Variants in TCN2 observed in about 807,000 individuals in gnomAD.
TCN2 encodes the protein transcobalamin-2.
A neutral mutation model predicts 48.6 loss-of-function variants in TCN2; 34 were observed. The observed-to-expected ratio is 0.70, with a 90% CI of 0.53 to 0.93. TCN2 has a LOEUF of 0.93. TCN2 is among the 40% of genes least tolerant of loss of function. The pLI is 0.00. For missense variants in TCN2, 652 were observed against 526.1 expected (o/e 1.24, Z -2.34); for synonymous variants, 283 against 212.5 (o/e 1.33, Z -2.89).
rs2087720282 is a variant in TCN2 at position 30,622,984 on chromosome 22, T to G, written c.1123T>G (p.Ser375Ala). 1.2e-5 allele frequency: 20 copies of G among 1,613,990 alleles called. No homozygotes were observed. The highest frequency in any genetic ancestry group is 1.7e-5 in the Admixed American group (1 of 59,986). ...CTTCTGTAGATATGAAACACAGGCC[T>G]CCTTGTCAGGCCCCTACTTAACCTC... is the stretch of plus-strand genomic sequence containing the variant. ...LGGFTYETQA[S>A]LSGPYLTSVM... Residue 375 changes from serine (S) to alanine (A), a missense_variant, in exon 8 of 9, where the codon TCC becomes GCC. Transcript: ENST00000215838.
chr22:30,608,518 G>C (rs1275353582), intron 1 of TCN2, among the ~76,000 whole-genome samples: 1 of 151,270 alleles, frequency 6.6e-6, no homozygotes. Context: ...CTCCCAAGTA[G>C]CTGGAGACTG....
chr22:30,626,902 T>G lies in TCN2; in HGVS notation c.*381T>G, dbSNP rs149713328. 230 of 353,858 alleles carry G rather than the reference T, an allele frequency of 6.5e-4. 1 individual carries two copies. The highest frequency in any genetic ancestry group is 3.9e-3 in the African/African-American group (187 of 47,792). The allele number at this position is 353,858 out of a possible 1,614,324, so 21.9% of individuals were successfully genotyped here. ...GTGGTTGGGGTCCTGCAAGAAGGCC[T>G]CCTCAGCCCGGGGGCTATGGCCCTG... On this transcript the variant is annotated 3_prime_UTR_variant, in exon 9 of 9. Transcript: ENST00000215838.
At chr22:30,608,186 A>C (rs1343658272) in intron 1 of TCN2, among the ~76,000 whole-genome samples, 5 of 152,116 alleles carry the variant, frequency 3.3e-5, no homozygotes, top group South Asian at 4.1e-4. Flanking sequence ...CCTCCTCTGC[A>C]CCTAGGATTA....
At chr22:30,624,242 T>G (rs1385868161) in intron 8 of TCN2, among the ~76,000 whole-genome samples, 1 of 151,098 alleles carries the variant, frequency 6.6e-6, no homozygotes, top group Non-Finnish European at 1.5e-5. Context: ...GCCCAGTTAT[T>G]TTTGTATTTT....
At position 30,626,455 on chromosome 22, in the gene TCN2, T is replaced by G; in HGVS notation, c.1223-5T>G. ...CGCCCCTCCTTGCTCAATCTGTTTC[T>G]GCAGGTATTGCTGACTACAGACCCA... On this transcript the variant is annotated splice_region_variant and splice_polypyrimidine_tract_variant and intron_variant, in intron 8 of 8. Coordinates refer to ENST00000215838, the MANE Select transcript of TCN2 (RefSeq NM_000355.4). The G allele has an allele frequency of 1.9e-6, 3 of 1,614,180 alleles. No individual in the cohort carries two copies. The highest frequency in any genetic ancestry group is 2.5e-6 in the Non-Finnish European group (3 of 1,180,028).
intron 8 of TCN2, among the ~76,000 whole-genome samples, chr22:30,623,827 C>CACATATAT (rs2087744653): frequency 3.7e-5 from 1 of 26,946 alleles, no homozygotes; most frequent in Non-Finnish European, 6.5e-5. Context: ...CACACATACA[C>CACATATAT]ACACATATAC....
intron 8 of TCN2, among the ~76,000 whole-genome samples, chr22:30,625,299 G>A (rs534629404): frequency 1.1e-4 from 16 of 152,274 alleles, no homozygotes; most frequent in African/African-American, 3.8e-4. Flanking sequence ...GACACTGACA[G>A]ATTCAGTGTC....
intron 8 of TCN2, among the ~76,000 whole-genome samples, chr22:30,623,879 T>TATATACACAC (rs2087750820): frequency 1.2e-5 from 1 of 85,942 alleles, no homozygotes; most frequent in Non-Finnish European, 2.1e-5. Context: ...TATACACACA[T>TATATACACAC]ATATACACAC....
intron 7 of TCN2, among the ~76,000 whole-genome samples, chr22:30,618,026 G>T (rs1319125254): frequency 6.6e-6 from 1 of 151,700 alleles, no homozygotes; most frequent in Non-Finnish European, 1.5e-5. Flanking sequence ...CTGCAGTCTC[G>T]AACTCTGGGG....
intron 7 of TCN2, among the ~76,000 whole-genome samples, chr22:30,618,323 C>T (rs1394209015): frequency 6.6e-6 from 1 of 151,494 alleles, no homozygotes; most frequent in Non-Finnish European, 1.5e-5. Flanking sequence ...TCTGGAGGCC[C>T]AACTCGTGTT....
intron 8 of TCN2, among the ~76,000 whole-genome samples, chr22:30,624,179 A>G (rs1263807577): frequency 1.3e-5 from 2 of 151,062 alleles, no homozygotes; most frequent in African/African-American, 4.9e-5. Flanking sequence ...AGCTCAAGCA[A>G]TTCTCCTGCC....
Position 30,623,040 on chromosome 22 carries a change from G to C in TCN2, c.1179G>C (p.Glu393Asp), listed in dbSNP as rs765993081. 1 of 1,614,024 alleles carries C rather than the reference G, an allele frequency of 6.2e-7. No homozygotes were observed. The highest frequency in any genetic ancestry group is 1.1e-5 in the South Asian group (1 of 91,064). Reference protein sequence around the residue: ...SVMGKAAGEREFWQLLRDPNT... With the variant: ...SVMGKAAGERDFWQLLRDPNT... ...TGGGGAAAGCGGCCGGAGAAAGGGA[G>C]TTCTGGCAGCTTCTCCGAGACCCCA... Residue 393 changes from glutamate (E) to aspartate (D), a missense_variant, in exon 8 of 9, where the codon GAG (glutamate) becomes GAC (aspartate). By Grantham distance (45) the Glu-to-Asp change is conservative. Transcript: ENST00000215838.
chr22:30,625,168 A>T (rs907478294), intron 8 of TCN2, among the ~76,000 whole-genome samples: 1 of 152,202 alleles, frequency 6.6e-6, no homozygotes, highest in African/African-American at 2.4e-5. Flanking sequence ...CCGTGAGCTG[A>T]GATCACGCCA....
chr22:30,612,754 T>C, intron 2 of TCN2, 119 bp from the exon 3 acceptor site: 6 of 1,277,570 alleles, frequency 4.7e-6, no homozygotes, highest in Non-Finnish European at 5.5e-6. Context: ...TTGGAGCTTT[T>C]ATCAAAGTTT....
At chr22:30,616,769 T>C (rs4820885) in intron 6 of TCN2, among the ~76,000 whole-genome samples, 94,172 of 152,012 alleles carry the variant, frequency 0.62, 29,851 homozygotes, top group African/African-American at 0.76. Flanking sequence ...CCATTGCACT[T>C]CAGCCTGGGC....
intron 8 of TCN2, among the ~76,000 whole-genome samples, chr22:30,625,669 G>A (rs759036747): frequency 4.6e-5 from 7 of 152,134 alleles, no homozygotes; most frequent in Non-Finnish European, 1.0e-4. Context: ...TCACCATGTT[G>A]CATAGGCTGG....
At chr22:30,622,546 G>A (rs988145676) in intron 7 of TCN2, among the ~76,000 whole-genome samples, 1 of 152,134 alleles carries the variant, frequency 6.6e-6, no homozygotes, top group Non-Finnish European at 1.5e-5. Context: ...CCACTGCCAG[G>A]TGTCTCTGCC....
At chr22:30,609,159 CTT>C (rs949674610) in intron 1 of TCN2, among the ~76,000 whole-genome samples, 4 of 143,058 alleles carry the variant, frequency 2.8e-5, no homozygotes, top group Non-Finnish European at 4.6e-5. Flanking sequence ...CTTTCTTCTT[CTT>C]TTTTTTTTTT....
intron 1 of TCN2, among the ~76,000 whole-genome samples, chr22:30,609,868 CAG>C (rs1431919648): frequency 6.6e-6 from 1 of 152,124 alleles, no homozygotes; most frequent in Non-Finnish European, 1.5e-5. Context: ...GTCGGGAAAA[CAG>C]ACACGAGGTT....
Sources: gnomAD v4.1 joint callset for allele counts (sites outside exome capture counted in the v4.1 genomes callset) on GRCh38, gnomAD v4.1.1 for gene constraint, MANE v1.5 for transcripts, NCBI Gene and HGNC (gene_info 2026-07-23, HGNC 2026-07-21) for gene names.